The following GABRG3 variants were observed in gnomAD, a reference collection of about 807,000 sequenced individuals.
GABRG3 encodes the protein gamma-aminobutyric acid receptor subunit gamma-3.
GABRG3 carries 25 observed loss-of-function variants against 48.8 expected under a neutral mutation model. That is an observed-to-expected ratio of 0.51 (90% CI 0.37 to 0.72). GABRG3 has a LOEUF of 0.72. Among genes scored for constraint, GABRG3 ranks in the 30% least tolerant of loss-of-function variants. The pLI is 0.00. For synonymous variants in GABRG3, 227 were observed against 217.6 expected (o/e 1.04, Z -0.38); for missense variants, 394 against 577.9 (o/e 0.68, Z 3.26).
intron 5 of GABRG3, among the ~76,000 whole-genome samples, chr15:27,459,676 A>C (rs1478069739): frequency 1.3e-5 from 2 of 152,244 alleles, no homozygotes; most frequent in Non-Finnish European, 2.9e-5. Context: ...TAATTAGCAT[A>C]GTGAAACTTG....
At chr15:27,401,147 G>A (rs1887463893) in intron 5 of GABRG3, among the ~76,000 whole-genome samples, 1 of 152,140 alleles carries the variant, frequency 6.6e-6, no homozygotes, top group South Asian at 2.1e-4. Flanking sequence ...ATTTCAAAGT[G>A]CCATTTTCGT....
chr15:27,524,358 CCTAAAATGATGG>C (rs947845373), intron 7 of GABRG3, among the ~76,000 whole-genome samples: 1 of 151,644 alleles, frequency 6.6e-6, no homozygotes, highest in Admixed American at 6.6e-5. Context: ...GCAGATGTCC[CCTAAAATGATGG>C]CTAATGGAAT....
intron 3 of GABRG3, among the ~76,000 whole-genome samples, chr15:27,264,601 C>T (rs1206498920): frequency 7.5e-6 from 1 of 132,650 alleles, no homozygotes; most frequent in East Asian, 2.0e-4. Flanking sequence ...TTATAAAAAA[C>T]CCTCAAACCA....
At chr15:27,008,443 G>A (rs771050998) in intron 2 of GABRG3, among the ~76,000 whole-genome samples, 1 of 152,146 alleles carries the variant, frequency 6.6e-6, no homozygotes, top group Non-Finnish European at 1.5e-5. Context: ...TAGATGAACA[G>A]TTCTTCCAAA....
intron 3 of GABRG3, among the ~76,000 whole-genome samples, chr15:27,223,509 G>A (rs1889515766): frequency 6.6e-6 from 1 of 151,654 alleles, no homozygotes; most frequent in Non-Finnish European, 1.5e-5. Context: ...AAATATTTAT[G>A]TGGGACACTT....
intron 5 of GABRG3, among the ~76,000 whole-genome samples, chr15:27,417,114 T>C (rs71397225): frequency 0.018 from 2,747 of 152,226 alleles, 36 homozygotes; most frequent in Non-Finnish European, 0.028. Flanking sequence ...CTTGTCACAA[T>C]TGGGAACTGT....
intron 3 of GABRG3, among the ~76,000 whole-genome samples, chr15:27,143,443 G>T: frequency 6.6e-6 from 1 of 152,324 alleles, no homozygotes; most frequent in East Asian, 1.9e-4. Context: ...TAGTAGATTT[G>T]TCTCAGCAGT....
intron 3 of GABRG3, among the ~76,000 whole-genome samples, chr15:27,279,474 T>TC (rs1891363798): frequency 1.3e-5 from 2 of 152,294 alleles, no homozygotes; most frequent in South Asian, 2.1e-4. Context: ...TTCATTTTTT[T>TC]CCCTATGGAT....
chr15:26,988,556 G>A (rs1385326655), intron 2 of GABRG3, among the ~76,000 whole-genome samples: 2 of 152,014 alleles, frequency 1.3e-5, no homozygotes, highest in Non-Finnish European at 2.9e-5. Context: ...TCTTGTAGAT[G>A]ACATATAGGT....
intron 3 of GABRG3, among the ~76,000 whole-genome samples, chr15:27,140,509 T>C (rs1898084281): frequency 6.6e-6 from 1 of 152,222 alleles, no homozygotes; most frequent in African/African-American, 2.4e-5. Flanking sequence ...ATTCCCATTT[T>C]CCCCTCCTTT....
intron 5 of GABRG3, among the ~76,000 whole-genome samples, chr15:27,383,692 C>G (rs891652452): frequency 2.6e-5 from 4 of 152,032 alleles, no homozygotes; most frequent in Non-Finnish European, 4.4e-5. Flanking sequence ...AAAAAAATGA[C>G]TTTTGCCTTG....
At chr15:27,206,463 A>G (rs1285918755) in intron 3 of GABRG3, among the ~76,000 whole-genome samples, 1 of 152,140 alleles carries the variant, frequency 6.6e-6, no homozygotes, top group Admixed American at 6.5e-5. Flanking sequence ...GAATTGCTTT[A>G]TGGGCTTAGC....
Position 27,265,882 on chromosome 15 carries a change from G to GTTTTTTTTTTTTTTTTTTTTTTTTTTT in GABRG3, c.271-60912_271-60911insTTTTTTTTTTTTTTTTTTTTTTTTTTT, listed in dbSNP as rs57522857. On this transcript the variant is annotated intron_variant, in intron 3 of 9. Transcript: ENST00000615808. ...GCAAGGTCAAGAAGATTTTCTCCTG[G>GTTTTTTTTTTTTTTTTTTTTTTTTTTT]TTTTTTTTTTTTTTTGAGAGTGACC... Among the ~76,000 whole-genome samples the GTTTTTTTTTTTTTTTTTTTTTTTTTTT allele has an allele frequency of 2.2e-3, 285 of 127,490 alleles. 16 individuals carry two copies. Among genetic ancestry groups the GTTTTTTTTTTTTTTTTTTTTTTTTTTT allele is most frequent in the African/African-American group, 6.1e-3 (180 of 29,400 alleles). The allele number at this position is 127,490 out of a possible 152,430, so 83.6% of individuals were successfully genotyped here.
chr15:27,143,666 A>G (rs1898147096), intron 3 of GABRG3, among the ~76,000 whole-genome samples: 1 of 152,218 alleles, frequency 6.6e-6, no homozygotes, highest in Non-Finnish European at 1.5e-5. Flanking sequence ...TTGAAAAGTG[A>G]CTAACATTCT....
At chr15:26,999,981 GTC>G (rs1016679113) in intron 2 of GABRG3, among the ~76,000 whole-genome samples, 1 of 151,944 alleles carries the variant, frequency 6.6e-6, no homozygotes, top group African/African-American at 2.4e-5. Flanking sequence ...ATCTTTTCAT[GTC>G]TCTACTATTT....
chr15:27,372,187 G>A (rs550958504), intron 5 of GABRG3, among the ~76,000 whole-genome samples: 2 of 152,054 alleles, frequency 1.3e-5, no homozygotes, highest in East Asian at 1.9e-4. Context: ...CTATTATTCT[G>A]ACTTCATTTT....
At chr15:26,973,651 A>T (rs1479520087) in intron 1 of GABRG3, among the ~76,000 whole-genome samples, 1 of 152,062 alleles carries the variant, frequency 6.6e-6, no homozygotes, top group African/African-American at 2.4e-5. Flanking sequence ...CCATTTTGAC[A>T]CCCATGGGCA....
chr15:27,197,695 G>A (rs1286057471), intron 3 of GABRG3, among the ~76,000 whole-genome samples: 1 of 152,092 alleles, frequency 6.6e-6, no homozygotes, highest in African/African-American at 2.4e-5. Context: ...ACCAGCTCCT[G>A]CTTGTACCTC....
Position 27,132,471 on chromosome 15 carries a change from GTTTTT to G in GABRG3, c.270+105675_270+105679del, listed in dbSNP as rs59023766. ...TGATTCAATCTTCCCAGTAGTTACA[GTTTTT>G]TTTTTTTTTTTTTTTTTTTTTTTTG... On this transcript the variant is annotated intron_variant, in intron 3 of 9. Coordinates refer to ENST00000615808, the MANE Select transcript of GABRG3 (RefSeq NM_033223.5). Among the ~76,000 whole-genome samples, 58 of 39,584 alleles carry G rather than the reference GTTTTT, an allele frequency of 1.5e-3. 1 individual carries two copies. Among genetic ancestry groups the G allele is most frequent in the Middle Eastern group, 0.036 (2 of 56 alleles). 26.0% of individuals were successfully genotyped at this position (39,584 alleles called of 152,430 possible). A position where few individuals can be genotyped will look rare whatever the true frequency, so the allele number is the denominator to read the frequency against.
Sources: gnomAD v4.1 joint callset for allele counts (sites outside exome capture counted in the v4.1 genomes callset) on GRCh38, gnomAD v4.1.1 for gene constraint, MANE v1.5 for transcripts, NCBI Gene and HGNC (gene_info 2026-07-23, HGNC 2026-07-21) for gene names.